Variants in COMMD6 observed in about 807,000 individuals in gnomAD.
COMMD6 encodes COMM domain containing 6, also known as COMM domain-containing protein 6.
COMMD6 carries 11 observed loss-of-function variants against 13.4 expected under a neutral mutation model. That is an observed-to-expected ratio of 0.82 (90% confidence interval 0.52 to 1.36). COMMD6 has a LOEUF of 1.36. Ranked by LOEUF, COMMD6 falls within the 40% of genes most tolerant of loss-of-function variation. The pLI is 0.00. For missense variants in COMMD6, 124 were observed against 102.4 expected (o/e 1.21, Z -0.91); for synonymous variants, 43 against 36.5 (o/e 1.18, Z -0.64).
chr13:75,527,876 G>C (rs2030318613), intron 3 of COMMD6: 2 of 1,498,146 alleles, frequency 1.3e-6, no homozygotes, highest in Non-Finnish European at 1.8e-6. Flanking sequence ...GGAAATGTTA[G>C]TAAAAAGGTA....
At chr13:75,530,448 T>A in intron 2 of COMMD6, 182 bp from the exon 3 acceptor site, 1 of 458,054 alleles carries the variant, frequency 2.2e-6, no homozygotes, top group Non-Finnish European at 3.8e-6. Context: ...GGAGAGGTTA[T>A]AAGGGATATA....
chr13:75,531,143 T>G (rs946156157), intron 2 of COMMD6, among the ~76,000 whole-genome samples: 3 of 152,212 alleles, frequency 2.0e-5, no homozygotes, highest in Non-Finnish European at 4.4e-5. Flanking sequence ...AAACTTCACT[T>G]GTTAATACAT....
At chr13:75,548,908 G>A (rs2030967192) in intron 1 of COMMD6, among the ~76,000 whole-genome samples, 1 of 152,158 alleles carries the variant, frequency 6.6e-6, no homozygotes, top group African/African-American at 2.4e-5. Flanking sequence ...TACCTCTACA[G>A]CATCACCTCT....
At chr13:75,527,099 T>TA (rs1566539140) in intron 3 of COMMD6, among the ~76,000 whole-genome samples, 1 of 152,206 alleles carries the variant, frequency 6.6e-6, no homozygotes. Flanking sequence ...AGAAGTTTAT[T>TA]TCTCTGTCAT....
At chr13:75,541,026 A>G (rs1418044357), upstream of COMMD6, among the ~76,000 whole-genome samples, 2 of 152,212 alleles carry the variant, frequency 1.3e-5, no homozygotes, top group East Asian at 1.9e-4. Flanking sequence ...GGGAGATGAC[A>G]ATGTACCAAA....
At chr13:75,527,835 G>A (rs182190466) in intron 3 of COMMD6, 1 of 1,511,518 alleles carries the variant, frequency 6.6e-7, no homozygotes, top group Admixed American at 2.0e-5. Flanking sequence ...GAGACTGGAG[G>A]TTGCCAGGAG....
upstream of COMMD6, among the ~76,000 whole-genome samples, chr13:75,542,293 T>TTA (rs1030062010): frequency 5.1e-5 from 7 of 136,932 alleles, no homozygotes; most frequent in Non-Finnish European, 1.0e-4. Flanking sequence ...TTCTTTCCTT[T>TTA]TTTTTTTTTT....
upstream of COMMD6, among the ~76,000 whole-genome samples, chr13:75,543,114 TG>T (rs1320048044): frequency 6.6e-6 from 1 of 152,150 alleles, no homozygotes; most frequent in African/African-American, 2.4e-5. Flanking sequence ...CACTTATAAG[TG>T]GGAGCTAAAC....
At chr13:75,547,420 C>A (rs66808557) in intron 1 of COMMD6, among the ~76,000 whole-genome samples, 15,521 of 152,124 alleles carry the variant, frequency 0.1, 1,086 homozygotes, top group Non-Finnish European at 0.15. Context: ...GTTCAAAATG[C>A]AAAACCCATA....
chr13:75,538,651 A>G (rs1197857330), upstream of COMMD6: 1 of 152,344 alleles, frequency 6.6e-6, no homozygotes, highest in East Asian at 1.9e-4. Context: ...CAACTATCAC[A>G]TTCAGGAAAT....
rs1238019519 is a variant in COMMD6, at chr13:75,537,396, C to T, written c.54+268G>A. The T allele has an allele frequency of 9.7e-6, 15 of 1,550,998 alleles. No individual in the cohort carries two copies. The African/African-American group carries it at 1.1e-4, about 11-fold the overall frequency. On this transcript the variant is annotated intron_variant, in intron 2 of 3. Transcript: ENST00000682242. ...CTTTAAAATACCGTGTTCCTGGCTT[C>T]GAATAACTGTCGCCTAATCAAAGCC...
At chr13:75,541,135 TAGC>T (rs2030819670), upstream of COMMD6, among the ~76,000 whole-genome samples, 1 of 152,120 alleles carries the variant, frequency 6.6e-6, no homozygotes, top group African/African-American at 2.4e-5. Context: ...CCTGGGAGTA[TAGC>T]AGCTTTGATC....
At chr13:75,544,169 G>A (rs1432202767) in intron 1 of COMMD6, among the ~76,000 whole-genome samples, 1 of 152,226 alleles carries the variant, frequency 6.6e-6, no homozygotes, top group Non-Finnish European at 1.5e-5. Flanking sequence ...ATGCAGAACC[G>A]GGAATAAGCA....
upstream of COMMD6, among the ~76,000 whole-genome samples, chr13:75,538,183 C>T (rs569348380): frequency 1.3e-5 from 2 of 152,290 alleles, no homozygotes; most frequent in South Asian, 2.1e-4. Context: ...AGGCGCTGGG[C>T]GACCGCACCC....
Position 75,526,683 on chromosome 13 carries a change from GAT to G in COMMD6, c.208-46_208-45del, listed in dbSNP as rs765959638. ...AATAATATTAATTTTGCTTTTAGAA[GAT>G]ATTTAAGTAGTTATTTTAATTATAT... On this transcript the variant is annotated intron_variant, in intron 3 of 3. Transcript: ENST00000682242. The G allele has an allele frequency of 9.6e-6, 13 of 1,349,438 alleles. No individual in the cohort carries two copies. The South Asian group carries it at 1.6e-4, about 16-fold the overall frequency. The allele number at this position is 1,349,438 out of a possible 1,614,324, so 83.6% of individuals were successfully genotyped here. A position where few individuals can be genotyped will look rare whatever the true frequency, so the allele number is the denominator to read the frequency against.
At chr13:75,547,385 C>T (rs1487912742) in intron 1 of COMMD6, among the ~76,000 whole-genome samples, 1 of 152,088 alleles carries the variant, frequency 6.6e-6, no homozygotes, top group African/African-American at 2.4e-5. Flanking sequence ...TTGGGAATTA[C>T]CAATAAATTT....
At chr13:75,537,604 G>A in intron 2 of COMMD6, 60 bp downstream of exon 2, 1 of 1,612,496 alleles carries the variant, frequency 6.2e-7, no homozygotes, top group Non-Finnish European at 8.5e-7. Flanking sequence ...AGGGTGGCAC[G>A]GCCTCGCGGC....
chr13:75,527,914 T>C (rs1041473529), intron 3 of COMMD6: 3 of 1,433,922 alleles, frequency 2.1e-6, no homozygotes, highest in Non-Finnish European at 2.8e-6. Flanking sequence ...AATGAGTAAG[T>C]CTGAGATCTA....
intron 2 of COMMD6, chr13:75,537,387 T>A: frequency 6.4e-7 from 1 of 1,551,042 alleles, no homozygotes; most frequent in Non-Finnish European, 8.7e-7. Context: ...AATACCGTGT[T>A]CCTGGCTTCG....
Sources: gnomAD v4.1 joint callset for allele counts (sites outside exome capture counted in the v4.1 genomes callset) on GRCh38, gnomAD v4.1.1 for gene constraint, MANE v1.5 for transcripts, NCBI Gene and HGNC (gene_info 2026-07-23, HGNC 2026-07-21) for gene names.